The following CDH22 variants were observed in gnomAD, a reference collection of about 807,000 sequenced individuals.
CDH22 encodes cadherin-22.
Under a neutral mutation model 58.4 loss-of-function variants are expected in CDH22, and 30 were observed. The observed-to-expected ratio is 0.51, with a 90% confidence interval of 0.38 to 0.70. The LOEUF (loss-of-function observed/expected upper bound fraction) is 0.70. CDH22 is among the 30% of genes least tolerant of loss of function. CDH22 has a pLI of 0.00. For synonymous variants in CDH22, 513 were observed against 558.2 expected (o/e 0.92, Z 1.14); for missense variants, 1,014 against 1,233.9 (o/e 0.82, Z 2.67).
At chr20:46,185,475 G>A (rs1315149491) in intron 10 of CDH22, among the ~76,000 whole-genome samples, 2 of 152,094 alleles carry the variant, frequency 1.3e-5, no homozygotes, top group East Asian at 1.9e-4. Context: ...ATGACCCTGG[G>A]CAGGACTCTT....
At chr20:46,290,667 G>A (rs1279194702) in intron 1 of CDH22, among the ~76,000 whole-genome samples, 2 of 152,142 alleles carry the variant, frequency 1.3e-5, no homozygotes, top group Non-Finnish European at 2.9e-5. Flanking sequence ...TCTGGCTCTG[G>A]CAGACTCTAA....
intron 2 of CDH22, among the ~76,000 whole-genome samples, chr20:46,245,734 C>T (rs1165887143): frequency 2.0e-5 from 3 of 152,222 alleles, no homozygotes; most frequent in African/African-American, 7.2e-5. Context: ...TTCAGCCACT[C>T]TTAAATCCCA....
At position 46,210,291 on chromosome 20, in the gene CDH22, C is replaced by T. The variant is rs1020778578; in HGVS notation, c.1286+16G>A. ...GATAGCAGGCAGCAGGCGTCGGCCC[C>T]GGGCGGGGGTCTCACCGGACGGGCC... On this transcript the variant is annotated intron_variant, in intron 7 of 11. Transcript: ENST00000537909. This position sits in a 1 kb window ranked among gnomAD's most constrained non-coding sequence, Gnocchi z 4.5. 7 of 1,390,596 alleles carry T rather than the reference C, an allele frequency of 5.0e-6. No individual in the cohort carries two copies. The highest frequency in any genetic ancestry group is 3.5e-5 in the Admixed American group (1 of 28,704). The allele number at this position is 1,390,596 out of a possible 1,614,324, so 86.1% of individuals were successfully genotyped here. A position where few individuals can be genotyped will look rare whatever the true frequency, so the allele number is the denominator to read the frequency against.
rs373065110 is a variant in CDH22 at position 46,174,365 on chromosome 20, A to G, written c.*141T>C. 302 of 592,086 alleles carry G rather than the reference A, an allele frequency of 5.1e-4. 2 individuals are homozygous for G. The African/African-American group carries it at 5.3e-3, about 10-fold the overall frequency. The allele number at this position is 592,086 out of a possible 1,614,324, so 36.7% of individuals were successfully genotyped here. A position where few individuals can be genotyped will look rare whatever the true frequency, so the allele number is the denominator to read the frequency against. On this transcript the variant is annotated 3_prime_UTR_variant, in exon 12 of 12. Coordinates refer to ENST00000537909, the MANE Select transcript of CDH22 (RefSeq NM_021248.3). This position sits in a 1 kb window ranked among gnomAD's most constrained non-coding sequence, Gnocchi z 4.4. ...AGGAGGAATGGAAGAGTCCGCTCCT[A>G]GCAAGTCCCCCCTCCGTCCAGCCGC...
At chr20:46,205,260 A>G (rs897002909) in intron 7 of CDH22, among the ~76,000 whole-genome samples, 3 of 152,146 alleles carry the variant, frequency 2.0e-5, no homozygotes, top group South Asian at 4.1e-4. Flanking sequence ...GGTAATGACC[A>G]TTTCTCGAGG....
intron 7 of CDH22, among the ~76,000 whole-genome samples, chr20:46,209,450 T>C (rs931787553): frequency 2.0e-5 from 3 of 152,090 alleles, no homozygotes; most frequent in East Asian, 1.9e-4. Context: ...CTGAGCCTAG[T>C]AGGTGTCTTT....
At chr20:46,186,017 A>C (rs999993900) in intron 10 of CDH22, among the ~76,000 whole-genome samples, 1 of 151,972 alleles carries the variant, frequency 6.6e-6, no homozygotes, top group Non-Finnish European at 1.5e-5. Flanking sequence ...GTTCAAGACT[A>C]GTCTGGGCAA....
intron 1 of CDH22, among the ~76,000 whole-genome samples, chr20:46,280,048 G>A (rs1396677785): frequency 6.6e-6 from 1 of 152,182 alleles, no homozygotes; most frequent in Admixed American, 6.5e-5. Context: ...ACGTGTCATG[G>A]GGACGAGTTG....
intron 2 of CDH22, among the ~76,000 whole-genome samples, chr20:46,250,312 G>A (rs1157510584): frequency 6.6e-6 from 1 of 152,230 alleles, no homozygotes. Context: ...TAATAGAAAA[G>A]ACACACATTA....
chr20:46,292,031 A>G (rs1231030999), intron 1 of CDH22, among the ~76,000 whole-genome samples: 2 of 152,234 alleles, frequency 1.3e-5, no homozygotes, highest in African/African-American at 2.4e-5. Context: ...ACCCCAATGG[A>G]GAATGACTGC....
chr20:46,278,228 C>T (rs952589423), intron 1 of CDH22, among the ~76,000 whole-genome samples: 5 of 152,196 alleles, frequency 3.3e-5, no homozygotes, highest in African/African-American at 9.7e-5. Context: ...CCCAGCTTTG[C>T]TTCTCGTGCT....
chr20:46,248,197 A>G lies in CDH22; in HGVS notation c.255+2843T>C, dbSNP rs11907469. 2.3e-3 allele frequency among the ~76,000 whole-genome samples: 348 copies of G among 152,282 alleles called. 3 individuals are homozygous for G. The highest frequency in any genetic ancestry group is 7.7e-3 in the African/African-American group (322 of 41,564). On this transcript the variant is annotated intron_variant, in intron 2 of 11. Coordinates refer to ENST00000537909, the MANE Select transcript of CDH22 (RefSeq NM_021248.3). ...TCCCCTGCTTATAGACTGTGGTTCCATGAGATGGGGATGGGGTCAGCTCAT... is the reference window on the plus strand; with the variant it reads ...TCCCCTGCTTATAGACTGTGGTTCCGTGAGATGGGGATGGGGTCAGCTCAT...
At chr20:46,256,647 G>A (rs1240501627) in intron 1 of CDH22, among the ~76,000 whole-genome samples, 2 of 152,150 alleles carry the variant, frequency 1.3e-5, no homozygotes, top group Admixed American at 1.3e-4. Flanking sequence ...TTCTGTGAGT[G>A]AGATGAGACC....
intron 4 of CDH22, among the ~76,000 whole-genome samples, chr20:46,224,116 G>A (rs906792898): frequency 6.6e-6 from 1 of 152,202 alleles, no homozygotes; most frequent in Admixed American, 6.5e-5. Context: ...GCCTCCCAAA[G>A]TGTTGGGATT....
chr20:46,254,765 G>A (rs2086398162), intron 1 of CDH22, among the ~76,000 whole-genome samples: 1 of 152,090 alleles, frequency 6.6e-6, no homozygotes. Context: ...GGGAGGGAGG[G>A]CCTCTCAGAG....
At chr20:46,247,329 A>G (rs1200452991) in intron 2 of CDH22, among the ~76,000 whole-genome samples, 3 of 147,232 alleles carry the variant, frequency 2.0e-5, no homozygotes, top group Non-Finnish European at 4.5e-5. Context: ...ACAGATAAGG[A>G]AACTGAGGCA....
At chr20:46,248,892 C>T (rs1308404338) in intron 2 of CDH22, among the ~76,000 whole-genome samples, 2 of 152,180 alleles carry the variant, frequency 1.3e-5, no homozygotes, top group Non-Finnish European at 2.9e-5. Context: ...CCATGCCACT[C>T]GCCCACTCTA....
intron 8 of CDH22, among the ~76,000 whole-genome samples, chr20:46,194,802 C>T (rs1231986088): frequency 2.0e-5 from 3 of 152,060 alleles, no homozygotes; most frequent in Non-Finnish European, 4.4e-5. Flanking sequence ...CAATCTCGGC[C>T]CACTGCAACC....
intron 1 of CDH22, among the ~76,000 whole-genome samples, chr20:46,304,946 C>A (rs1402520403): frequency 1.3e-5 from 2 of 152,182 alleles, no homozygotes; most frequent in African/African-American, 2.4e-5. Flanking sequence ...CTTTGGGGCA[C>A]CTGACTTGGA....
Sources: allele counts gnomAD v4.1 joint callset (sites outside exome capture counted in the v4.1 genomes callset), GRCh38; gene constraint gnomAD v4.1.1; non-coding constraint Gnocchi (gnomAD v3.1); transcripts MANE v1.5; gene names NCBI Gene and HGNC (gene_info 2026-07-23, HGNC 2026-07-21).